The following AFF3 variants were observed in gnomAD, a reference collection of about 807,000 sequenced individuals.
The protein encoded by AFF3 is AF4/FMR2 family member 3.
In AFF3, 32 loss-of-function variants were observed where a neutral mutation model predicts 129.7. The ratio of observed to expected loss-of-function variants is 0.25; its 90% CI spans 0.19 to 0.33. The LOEUF (loss-of-function observed/expected upper bound fraction) is 0.33, where lower values mean the gene tolerates loss of function less well. Among genes scored for constraint, AFF3 ranks in the 10% least tolerant of loss-of-function variants. The pLI, the probability that AFF3 is intolerant of heterozygous loss-of-function variation, is 1.00. For synonymous variants in AFF3, 644 were observed against 635.4 expected (o/e 1.01, Z -0.20); for missense variants, 1,373 against 1,592.0 (o/e 0.86, Z 2.34).
intron 7 of AFF3, among the ~76,000 whole-genome samples, chr2:99,931,396 A>G (rs1696662656): frequency 6.6e-6 from 1 of 152,214 alleles, no homozygotes; most frequent in Non-Finnish European, 1.5e-5. Flanking sequence ...TGCACAATAT[A>G]TGGATCTTTT....
intron 2 of AFF3, among the ~76,000 whole-genome samples, chr2:100,111,743 G>A (rs1274140282): frequency 6.6e-6 from 1 of 152,198 alleles, no homozygotes; most frequent in Non-Finnish European, 1.5e-5. Flanking sequence ...ATTAAGTACA[G>A]TATGTTGAAA....
chr2:99,770,459 C>G (rs1188670043), intron 8 of AFF3, among the ~76,000 whole-genome samples: 2 of 152,150 alleles, frequency 1.3e-5, no homozygotes, highest in Non-Finnish European at 2.9e-5. Flanking sequence ...CACCAAGAGC[C>G]TGCTTAGTGC....
intron 12 of AFF3, among the ~76,000 whole-genome samples, chr2:99,662,350 T>C (rs761600347): frequency 6.6e-6 from 1 of 152,178 alleles, no homozygotes; most frequent in Non-Finnish European, 1.5e-5. Context: ...TTAGTTATTA[T>C]GAACAGATTG....
chr2:99,718,272 C>A (rs1678563794), intron 11 of AFF3, among the ~76,000 whole-genome samples: 1 of 152,184 alleles, frequency 6.6e-6, no homozygotes, highest in African/African-American at 2.4e-5. Flanking sequence ...GAGATGTCAA[C>A]ACTATCAAGT....
intron 13 of AFF3, among the ~76,000 whole-genome samples, chr2:99,609,254 G>T (rs1336307576): frequency 6.6e-6 from 1 of 151,846 alleles, no homozygotes; most frequent in Admixed American, 6.6e-5. Context: ...GTTTTTGGGG[G>T]GGAGGGGAAT....
At chr2:99,664,248 C>T (rs2104359823) in intron 12 of AFF3, among the ~76,000 whole-genome samples, 1 of 152,278 alleles carries the variant, frequency 6.6e-6, no homozygotes, top group East Asian at 1.9e-4. Context: ...CAGTTGGAAC[C>T]TCATCCAGTG....
At chr2:99,649,886 C>CA (rs1312865073) in intron 12 of AFF3, among the ~76,000 whole-genome samples, 2 of 152,158 alleles carry the variant, frequency 1.3e-5, no homozygotes, top group African/African-American at 4.8e-5. Context: ...CGGCAATGCA[C>CA]ACCTGCAACT....
At chr2:99,690,644 AAAGTTGC>A (rs1274450277) in intron 11 of AFF3, among the ~76,000 whole-genome samples, 1 of 152,184 alleles carries the variant, frequency 6.6e-6, no homozygotes, top group Non-Finnish European at 1.5e-5. Flanking sequence ...TTATGAAATA[AAAGTTGC>A]AAGAATGAGT....
At chr2:99,868,625 A>G (rs1691625778) in intron 7 of AFF3, among the ~76,000 whole-genome samples, 1 of 152,208 alleles carries the variant, frequency 6.6e-6, no homozygotes, top group Non-Finnish European at 1.5e-5. Context: ...CGGATGATCC[A>G]GAGGCTTTTT....
At chr2:99,620,999 T>C (rs1285063771) in intron 13 of AFF3, among the ~76,000 whole-genome samples, 1 of 152,142 alleles carries the variant, frequency 6.6e-6, no homozygotes, top group Non-Finnish European at 1.5e-5. Context: ...GCCAAATAAA[T>C]CTCTTTTCTT....
intron 8 of AFF3, among the ~76,000 whole-genome samples, chr2:99,760,774 C>T (rs1026593261): frequency 6.6e-5 from 10 of 152,146 alleles, no homozygotes; most frequent in African/African-American, 2.4e-4. Context: ...TGGCGACCTT[C>T]GGATCTTATA....
chr2:99,820,318 A>G (rs996796376), intron 8 of AFF3, among the ~76,000 whole-genome samples: 1 of 152,162 alleles, frequency 6.6e-6, no homozygotes, highest in African/African-American at 2.4e-5. Flanking sequence ...CCTGCAACAC[A>G]CGGGTAAGTA....
In AFF3 at chr2:99,872,683, T is replaced by A. The variant is rs551526004; in HGVS notation, c.874-35159A>T. Among the ~76,000 whole-genome samples, 14 of 152,138 alleles carry A rather than the reference T, an allele frequency of 9.2e-5. No homozygotes were observed. The South Asian group carries it at 2.9e-3, about 32-fold the overall frequency. On this transcript the variant is annotated intron_variant, in intron 7 of 24. Coordinates refer to ENST00000672756, the MANE Select transcript of AFF3 (RefSeq NM_001386135.1). The stretch of plus-strand genomic sequence containing the variant: ...CTATCTTGAGCTCTAAATGAATCTT[T>A]TACACATGAATAATTTTTTAACATC...
chr2:99,652,040 G>A (rs1391585709), intron 12 of AFF3, among the ~76,000 whole-genome samples: 1 of 152,170 alleles, frequency 6.6e-6, no homozygotes, highest in Non-Finnish European at 1.5e-5. Context: ...TCAGGAAGGT[G>A]CAGGGATGGG....
intron 4 of AFF3, among the ~76,000 whole-genome samples, chr2:100,009,721 TC>T (rs1170561605): frequency 1.3e-5 from 2 of 152,078 alleles, no homozygotes; most frequent in Non-Finnish European, 2.9e-5. Context: ...AAGTGTTCCT[TC>T]CCCCTAATAA....
chr2:99,782,130 T>A (rs1252240737), intron 8 of AFF3, among the ~76,000 whole-genome samples: 1 of 152,188 alleles, frequency 6.6e-6, no homozygotes, highest in Non-Finnish European at 1.5e-5. Context: ...TTCAGGCCAA[T>A]GTTTTGATTT....
At chr2:99,608,379 T>C (rs1680582881) in intron 13 of AFF3, among the ~76,000 whole-genome samples, 1 of 152,222 alleles carries the variant, frequency 6.6e-6, no homozygotes, top group African/African-American at 2.4e-5. Context: ...CCCACTTCTC[T>C]ATTGCAGCCC....
chr2:99,849,422 G>A (rs1027176121), intron 7 of AFF3, among the ~76,000 whole-genome samples: 1 of 152,172 alleles, frequency 6.6e-6, no homozygotes, highest in African/African-American at 2.4e-5. Flanking sequence ...GTGTGGCGCA[G>A]TAGGCAGGAA....
intron 8 of AFF3, among the ~76,000 whole-genome samples, chr2:99,771,782 T>C (rs1683510244): frequency 6.6e-6 from 1 of 152,152 alleles, no homozygotes. Flanking sequence ...CTAAATTTTC[T>C]GATGAGGACA....
Sources: gnomAD v4.1 joint callset for allele counts (sites outside exome capture counted in the v4.1 genomes callset) on GRCh38, gnomAD v4.1.1 for gene constraint, MANE v1.5 for transcripts, NCBI Gene and HGNC (gene_info 2026-07-23, HGNC 2026-07-21) for gene names.